The following CD2AP variants were observed in gnomAD, a reference collection of about 807,000 sequenced individuals.
The protein encoded by CD2AP is CD2-associated protein.
Under a neutral mutation model 85.1 loss-of-function variants are expected in CD2AP, and 46 were observed. The observed-to-expected ratio is 0.54, with a 90% CI of 0.43 to 0.69. The LOEUF (loss-of-function observed/expected upper bound fraction) is 0.69. Among genes scored for constraint, CD2AP ranks in the 30% least tolerant of loss-of-function variants. The pLI, the probability that CD2AP is intolerant of heterozygous loss-of-function variation, is 0.00. For missense variants in CD2AP, 769 were observed against 729.5 expected (o/e 1.05, Z -0.62); for synonymous variants, 255 against 252.9 (o/e 1.01, Z -0.08).
intron 2 of CD2AP, among the ~76,000 whole-genome samples, chr6:47,506,988 TCA>T (rs1766190402): frequency 6.6e-6 from 1 of 152,214 alleles, no homozygotes; most frequent in Non-Finnish European, 1.5e-5. Context: ...AAAATTGTAG[TCA>T]GTCGTTTCAA....
At chr6:47,537,128 G>T (rs1767072619) in intron 3 of CD2AP, among the ~76,000 whole-genome samples, 1 of 152,210 alleles carries the variant, frequency 6.6e-6, no homozygotes, top group South Asian at 2.1e-4. Flanking sequence ...AAGGGATGAT[G>T]TTGCACATGA....
At chr6:47,611,198 A>C (rs1769430012) in intron 16 of CD2AP, among the ~76,000 whole-genome samples, 1 of 151,308 alleles carries the variant, frequency 6.6e-6, no homozygotes, top group Non-Finnish European at 1.5e-5. Flanking sequence ...ATATGAATTA[A>C]TCTAAACATT....
chr6:47,615,369 C>A (rs1005759153), intron 17 of CD2AP, among the ~76,000 whole-genome samples: 2 of 152,056 alleles, frequency 1.3e-5, no homozygotes, highest in African/African-American at 4.8e-5. Flanking sequence ...ATACCTGAGA[C>A]TGGATAATTT....
chr6:47,511,869 T>C (rs1054889697), intron 2 of CD2AP, among the ~76,000 whole-genome samples: 3 of 110,226 alleles, frequency 2.7e-5, no homozygotes, highest in African/African-American at 9.6e-5. Flanking sequence ...TCTACTAAAA[T>C]ACAAAAAATT....
intron 2 of CD2AP, among the ~76,000 whole-genome samples, chr6:47,528,632 G>T (rs1361242248): frequency 6.6e-6 from 1 of 152,180 alleles, no homozygotes; most frequent in Non-Finnish European, 1.5e-5. Flanking sequence ...TTAGGCAGTG[G>T]AAATACAATA....
In CD2AP at chr6:47,503,417, A is replaced by T. The variant is rs770594307; in HGVS notation, c.142A>T (p.Met48Leu). Residue 48 changes from methionine (M) to leucine (L), a missense_variant, in exon 2 of 18, where the codon ATG (methionine) becomes TTG (leucine). Physicochemically the swap from Met to Leu is conservative, Grantham distance 15. Coordinates refer to ENST00000359314, the MANE Select transcript of CD2AP (RefSeq NM_012120.3). Reference protein sequence around the residue: ...LEGELNGRRGMFPDNFVKEIK... With the variant: ...LEGELNGRRGLFPDNFVKEIK... ...AGGAGAACTAAATGGGAGAAGAGGA[A>T]TGTTCCCTGACAATTTCGTTAAGGT... 27 of 1,613,878 alleles carry T rather than the reference A, an allele frequency of 1.7e-5. No individual in the cohort carries two copies. Among genetic ancestry groups the T allele is most frequent in the Non-Finnish European group, 2.3e-5 (27 of 1,179,816 alleles).
chr6:47,580,074 T>C (rs2114105326), intron 9 of CD2AP, among the ~76,000 whole-genome samples: 1 of 152,316 alleles, frequency 6.6e-6, no homozygotes, highest in African/African-American at 2.4e-5. Flanking sequence ...CAGGATGGGC[T>C]ACCATGTTAG....
intron 17 of CD2AP, among the ~76,000 whole-genome samples, chr6:47,618,635 C>A (rs1429084285): frequency 6.6e-6 from 1 of 152,042 alleles, no homozygotes; most frequent in African/African-American, 2.4e-5. Flanking sequence ...TTTTTTCTTA[C>A]ATTTTATACA....
intron 5 of CD2AP, among the ~76,000 whole-genome samples, chr6:47,557,821 T>G (rs1485854728): frequency 6.6e-6 from 1 of 152,170 alleles, no homozygotes; most frequent in Non-Finnish European, 1.5e-5. Context: ...CTTTTTTGGT[T>G]CCATATGAAA....
At chr6:47,556,539 G>C (rs1767697498) in intron 5 of CD2AP, among the ~76,000 whole-genome samples, 1 of 151,976 alleles carries the variant, frequency 6.6e-6, no homozygotes, top group South Asian at 2.1e-4. Flanking sequence ...AGTAGAGATG[G>C]GGTTTCTCCA....
At chr6:47,602,455 A>G (rs1348324909) in intron 13 of CD2AP, among the ~76,000 whole-genome samples, 1 of 152,068 alleles carries the variant, frequency 6.6e-6, no homozygotes, top group African/African-American at 2.4e-5. Flanking sequence ...TGAAAAGTAA[A>G]ATTATCTTTA....
At chr6:47,590,897 T>A (rs1458299006) in intron 11 of CD2AP, among the ~76,000 whole-genome samples, 1 of 152,098 alleles carries the variant, frequency 6.6e-6, no homozygotes, top group Non-Finnish European at 1.5e-5. Flanking sequence ...AGGCAAGGAA[T>A]TGAAGAAGAC....
intron 2 of CD2AP, among the ~76,000 whole-genome samples, chr6:47,504,186 T>C (rs547246159): frequency 1.3e-5 from 2 of 152,344 alleles, no homozygotes; most frequent in East Asian, 1.9e-4. Flanking sequence ...ACATCAGTTA[T>C]AATTGTCTTG....
chr6:47,538,631 A>G (rs1402346072), intron 3 of CD2AP, among the ~76,000 whole-genome samples: 1 of 152,206 alleles, frequency 6.6e-6, no homozygotes, highest in African/African-American at 2.4e-5. Flanking sequence ...TCCAGAGCCA[A>G]CTGGAACCAA....
At chr6:47,520,921 C>G (rs927061843) in intron 2 of CD2AP, among the ~76,000 whole-genome samples, 1 of 151,808 alleles carries the variant, frequency 6.6e-6, no homozygotes, top group East Asian at 1.9e-4. Flanking sequence ...GCAGACTTCT[C>G]CAGTACCTAG....
chr6:47,526,431 G>T (rs574936963), intron 2 of CD2AP, among the ~76,000 whole-genome samples: 166 of 152,246 alleles, frequency 1.1e-3, no homozygotes, highest in African/African-American at 3.8e-3. Flanking sequence ...CTGTAAACCT[G>T]AGTTTTTTCT....
chr6:47,625,635 A>G lies in CD2AP; in HGVS notation c.*1408A>G, dbSNP rs1175751189. On this transcript the variant is annotated 3_prime_UTR_variant, in exon 18 of 18. Transcript: ENST00000359314. ...ATGAGTGTCAGATTTTTGAGTACCAATGATCATGCTTCCATTTTTTTTAGT... is the reference window on the plus strand; with the variant it reads ...ATGAGTGTCAGATTTTTGAGTACCAGTGATCATGCTTCCATTTTTTTTAGT... 6.6e-6 allele frequency: 1 copy of G among 151,802 alleles called. No individual in the cohort carries two copies. The highest frequency in any genetic ancestry group is 1.5e-5 in the Non-Finnish European group (1 of 67,746). The allele number at this position is 151,802 out of a possible 1,614,324, so 9.4% of individuals were successfully genotyped here.
intron 2 of CD2AP, among the ~76,000 whole-genome samples, chr6:47,513,149 T>G (rs2113995927): frequency 6.6e-6 from 1 of 152,056 alleles, no homozygotes; most frequent in Admixed American, 6.5e-5. Flanking sequence ...ATACCTTTTT[T>G]TTTTTTTTTT....
intron 2 of CD2AP, among the ~76,000 whole-genome samples, chr6:47,527,660 T>G (rs1766765165): frequency 6.6e-6 from 1 of 152,258 alleles, no homozygotes; most frequent in Non-Finnish European, 1.5e-5. Flanking sequence ...TGATTTGGTA[T>G]GGGACATGGA....
Sources: allele counts gnomAD v4.1 joint callset (sites outside exome capture counted in the v4.1 genomes callset), GRCh38; gene constraint gnomAD v4.1.1; transcripts MANE v1.5; gene names NCBI Gene and HGNC (gene_info 2026-07-23, HGNC 2026-07-21).